The following ITPR1 variants were observed in gnomAD, a reference collection of about 807,000 sequenced individuals.
The protein encoded by ITPR1 is inositol 1,4,5-trisphosphate receptor type 1.
Under a neutral mutation model 318.4 loss-of-function variants are expected in ITPR1, and 96 were observed. The observed-to-expected ratio is 0.30, with a 90% CI of 0.26 to 0.36. The LOEUF is 0.36. Among genes scored for constraint, ITPR1 ranks in the 10% least tolerant of loss-of-function variants. ITPR1 has a pLI of 1.00. For missense variants in ITPR1, 2,440 were observed against 3,460.2 expected (o/e 0.71, Z 7.40); for synonymous variants, 1,312 against 1,289.9 (o/e 1.02, Z -0.37).
chr3:4,641,997 A>T (rs2093350094), intron 6 of ITPR1, 96 bp from the exon 7 acceptor site: 3 of 949,824 alleles, frequency 3.2e-6, no homozygotes, highest in Non-Finnish European at 3.0e-6. Flanking sequence ...CAATGGTGGG[A>T]GGAATGTTTG....
At chr3:4,551,273 G>T (rs1289690876) in intron 4 of ITPR1, among the ~76,000 whole-genome samples, 1 of 152,190 alleles carries the variant, frequency 6.6e-6, no homozygotes, top group Admixed American at 6.5e-5. Flanking sequence ...AAAATAATGG[G>T]AATGAAGAGA....
intron 3 of ITPR1, among the ~76,000 whole-genome samples, chr3:4,519,303 T>C (rs2082384854): frequency 6.6e-6 from 1 of 152,154 alleles, no homozygotes; most frequent in African/African-American, 2.4e-5. Flanking sequence ...CTTGGCTCAC[T>C]GCACCCTCCA....
chr3:4,651,110 G>A (rs545276521), intron 10 of ITPR1, among the ~76,000 whole-genome samples: 1 of 152,174 alleles, frequency 6.6e-6, no homozygotes, highest in African/African-American at 2.4e-5. Flanking sequence ...TGTTCCACAT[G>A]ATCCCTCAGC....
chr3:4,781,032 A>C (rs2046800508), intron 49 of ITPR1, among the ~76,000 whole-genome samples: 3 of 152,240 alleles, frequency 2.0e-5, no homozygotes, highest in Admixed American at 1.3e-4. Flanking sequence ...ACGTGTGTAC[A>C]TGCATGTGTG....
chr3:4,748,604 G>A (rs375319552), intron 44 of ITPR1, among the ~76,000 whole-genome samples: 1 of 152,128 alleles, frequency 6.6e-6, no homozygotes, highest in African/African-American at 2.4e-5. Flanking sequence ...TTCATCTTGA[G>A]GGTAAGAGTG....
In ITPR1 at chr3:4,831,993, C is replaced by T. The variant is rs17041502; in HGVS notation, c.8029-4781C>T. 6.5e-3 allele frequency among the ~76,000 whole-genome samples: 995 copies of T among 152,284 alleles called. 12 individuals are homozygous for T. The highest frequency in any genetic ancestry group is 0.022 in the African/African-American group (923 of 41,534). On this transcript the variant is annotated intron_variant, in intron 60 of 61. Transcript: ENST00000649015. ...CCTACTGCACAGGATGCAAAGCCAA[C>T]GGGAAATTGAGAGAACAGCTTGGCT...
At chr3:4,771,592 A>T (rs765469302) in intron 46 of ITPR1, among the ~76,000 whole-genome samples, 1 of 152,230 alleles carries the variant, frequency 6.6e-6, no homozygotes, top group Non-Finnish European at 1.5e-5. Context: ...AGCTTTCTGC[A>T]GAATTCTCCG....
At chr3:4,768,938 C>G (rs2125377170) in intron 46 of ITPR1, among the ~76,000 whole-genome samples, 174 bp downstream of exon 46, 1 of 149,260 alleles carries the variant, frequency 6.7e-6, no homozygotes, top group Non-Finnish European at 1.5e-5. Context: ...GAGATGGAGT[C>G]TCGCTCTGTC....
rs544076115 is a variant in ITPR1 at position 4,818,694 on chromosome 3, G to A, written c.8028+452G>A. ...ATGGTTTGTGTTTGCCCTCAGCCTCGCCTTTCTGGGAGACACTCTACTAAT... is the reference window on the plus strand; with the variant it reads ...ATGGTTTGTGTTTGCCCTCAGCCTCACCTTTCTGGGAGACACTCTACTAAT... On this transcript the variant is annotated intron_variant, in intron 60 of 61. Transcript: ENST00000649015. 2.2e-3 allele frequency among the ~76,000 whole-genome samples: 329 copies of A among 152,222 alleles called. 1 individual carries two copies. The highest frequency in any genetic ancestry group is 3.1e-3 in the Non-Finnish European group (214 of 68,024).
chr3:4,818,544 G>A (rs867435210), intron 60 of ITPR1, among the ~76,000 whole-genome samples: 4 of 152,166 alleles, frequency 2.6e-5, no homozygotes, highest in Admixed American at 6.5e-5. Flanking sequence ...TCCATAGCCC[G>A]ATTTCCTGTC....
rs767237814 is a variant in ITPR1, at chr3:4,685,080, G to T, written c.3576G>T (p.Arg1192=). The T allele has an allele frequency of 1.9e-5, 30 of 1,609,390 alleles. No homozygotes were observed. The Admixed American group carries it at 2.0e-4, about 11-fold the overall frequency. ...NYRVVKEILI[R]LSKLCVQESA... is the part of the protein sequence containing the mutation. ...TTTCATTCTACTAGATTTTGATTCG[G>T]CTTAGCAAACTCTGTGTTCAAGAGA... Residue 1192 remains arginine (R), a synonymous_variant, in exon 30 of 62, where the codon CGG becomes CGT. Transcript: ENST00000649015.
intron 39 of ITPR1, among the ~76,000 whole-genome samples, chr3:4,716,032 A>G (rs973590467): frequency 2.2e-4 from 33 of 152,230 alleles, no homozygotes; most frequent in African/African-American, 6.3e-4. Context: ...TAAAATAAAT[A>G]TTAAAATTAT....
At chr3:4,740,421 C>G (rs1328268011) in intron 44 of ITPR1, among the ~76,000 whole-genome samples, 1 of 152,228 alleles carries the variant, frequency 6.6e-6, no homozygotes, top group African/African-American at 2.4e-5. Context: ...CACAGCACTC[C>G]AGAAATTCTA....
chr3:4,614,078 G>T (rs935383992), intron 4 of ITPR1, among the ~76,000 whole-genome samples: 6 of 152,092 alleles, frequency 3.9e-5, no homozygotes, highest in African/African-American at 1.4e-4. Context: ...CTTTGATTTG[G>T]CATCTTTCAC....
At chr3:4,614,864 G>GT (rs1490339621) in intron 4 of ITPR1, among the ~76,000 whole-genome samples, 1 of 152,108 alleles carries the variant, frequency 6.6e-6, no homozygotes, top group Non-Finnish European at 1.5e-5. Flanking sequence ...TTTTTTCAGC[G>GT]TTTTCTTGGG....
chr3:4,552,461 A>C (rs11720179), intron 4 of ITPR1, among the ~76,000 whole-genome samples: 3,653 of 152,278 alleles, frequency 0.024, 72 homozygotes, highest in Middle Eastern at 0.058. Context: ...ATTATAAAGG[A>C]TATTACAAAG....
chr3:4,700,059 A>T (rs975513259), intron 35 of ITPR1, 118 bp downstream of exon 35: 2 of 834,050 alleles, frequency 2.4e-6, no homozygotes, highest in Admixed American at 5.2e-5. Flanking sequence ...TTAATACAAG[A>T]TATATTTCTC....
chr3:4,747,765 A>T (rs2044212093), intron 44 of ITPR1, among the ~76,000 whole-genome samples: 1 of 152,176 alleles, frequency 6.6e-6, no homozygotes, highest in Admixed American at 6.5e-5. Flanking sequence ...TGACAGGAAG[A>T]CTGTCCTACA....
In ITPR1 at chr3:4,788,024, A is replaced by G. The variant is rs763938511; in HGVS notation, c.6693A>G (p.Ser2231=). The change falls in exon 52 of 62, where the codon TCA becomes TCG. Residue 2231 remains serine, a synonymous_variant. Coordinates refer to ENST00000649015, the MANE Select transcript of ITPR1 (RefSeq NM_001378452.1). ...TATGTGAATTCCTAACCAAGGAGTC[A>G]AAACTACGAATTTACTATACTACAG... ...PSICEFLTKE[S]KLRIYYTTER... is the part of the protein sequence containing the mutation. The G allele has an allele frequency of 1.1e-5, 18 of 1,612,830 alleles. No individual in the cohort carries two copies. The Admixed American group carries it at 3.0e-4, about 27-fold the overall frequency.
Sources: gnomAD v4.1 joint callset for allele counts (sites outside exome capture counted in the v4.1 genomes callset) on GRCh38, gnomAD v4.1.1 for gene constraint, MANE v1.5 for transcripts, NCBI Gene and HGNC (gene_info 2026-07-23, HGNC 2026-07-21) for gene names.